Variants in EPHA6 observed in about 807,000 individuals in gnomAD.
The protein encoded by EPHA6 is EPH receptor A6.
A neutral mutation model predicts 112.0 loss-of-function variants in EPHA6; 50 were observed. The ratio of observed to expected loss-of-function variants is 0.45; its 90% CI spans 0.36 to 0.56. The LOEUF (loss-of-function observed/expected upper bound fraction) is 0.56. Among genes scored for constraint, EPHA6 ranks in the 20% least tolerant of loss-of-function variants. The pLI is 0.00. For missense variants in EPHA6, 1,280 were observed against 1,417.4 expected, an observed-to-expected ratio of 0.90 and a Z score of 1.56; for synonymous variants, 529 against 490.7, an observed-to-expected ratio of 1.08 and a Z score of -1.03.
intron 5 of EPHA6, among the ~76,000 whole-genome samples, chr3:97,336,982 A>G (rs1011071409): frequency 1.6e-4 from 25 of 151,922 alleles, no homozygotes; most frequent in Non-Finnish European, 3.2e-4. Flanking sequence ...CTGGGATGAA[A>G]AAGAGTAGTA....
intron 5 of EPHA6, among the ~76,000 whole-genome samples, chr3:97,313,899 C>T (rs1000387851): frequency 2.6e-5 from 4 of 151,466 alleles, no homozygotes; most frequent in African/African-American, 9.7e-5. Context: ...ATCCAACTTG[C>T]CTATTTCTTG....
intron 3 of EPHA6, among the ~76,000 whole-genome samples, chr3:97,204,466 G>A (rs1017255825): frequency 3.9e-5 from 6 of 152,030 alleles, no homozygotes; most frequent in African/African-American, 1.4e-4. Context: ...GAGACTCAGA[G>A]AAATTAACTA....
At chr3:97,686,156 A>G (rs1275383908) in intron 14 of EPHA6, among the ~76,000 whole-genome samples, 1 of 152,162 alleles carries the variant, frequency 6.6e-6, no homozygotes, top group Non-Finnish European at 1.5e-5. Context: ...TTCATTTGTG[A>G]TGCATTATTA....
intron 7 of EPHA6, among the ~76,000 whole-genome samples, chr3:97,454,889 T>C (rs570303044): frequency 6.6e-6 from 1 of 152,014 alleles, no homozygotes; most frequent in African/African-American, 2.4e-5. Context: ...AGTAATAAAG[T>C]TAATTAATCA....
At chr3:97,023,012 A>C (rs2044515236) in intron 3 of EPHA6, among the ~76,000 whole-genome samples, 1 of 152,140 alleles carries the variant, frequency 6.6e-6, no homozygotes, top group African/African-American at 2.4e-5. Flanking sequence ...TAGCACCTCC[A>C]TCTCTCTGTT....
intron 3 of EPHA6, among the ~76,000 whole-genome samples, chr3:97,147,370 T>G (rs1456641540): frequency 6.6e-6 from 1 of 152,228 alleles, no homozygotes. Flanking sequence ...TATGATAATT[T>G]TATGTTTACT....
intron 5 of EPHA6, among the ~76,000 whole-genome samples, chr3:97,351,915 AT>A (rs1233596217): frequency 1.3e-5 from 2 of 152,166 alleles, no homozygotes; most frequent in Non-Finnish European, 2.9e-5. Flanking sequence ...AAATAGTCAC[AT>A]TTGAAAGAAA....
At chr3:97,519,575 G>C (rs2092503952) in intron 10 of EPHA6, among the ~76,000 whole-genome samples, 1 of 152,098 alleles carries the variant, frequency 6.6e-6, no homozygotes, top group Admixed American at 6.5e-5. Flanking sequence ...GGGTAGTACG[G>C]TCATTTTAAC....
chr3:96,834,077 A>G (rs2034252944), intron 1 of EPHA6, among the ~76,000 whole-genome samples: 1 of 152,048 alleles, frequency 6.6e-6, no homozygotes, highest in East Asian at 1.9e-4. Flanking sequence ...AAATGTCAAA[A>G]AAAGCATCTC....
chr3:97,222,201 G>C (rs2078225885), intron 3 of EPHA6, among the ~76,000 whole-genome samples: 1 of 152,104 alleles, frequency 6.6e-6, no homozygotes, highest in Admixed American at 6.5e-5. Flanking sequence ...AATATGATAT[G>C]ATCTGAGAGT....
chr3:97,581,282 T>C (rs532155851), intron 11 of EPHA6, among the ~76,000 whole-genome samples: 1 of 152,286 alleles, frequency 6.6e-6, no homozygotes, highest in East Asian at 1.9e-4. Flanking sequence ...GTCAGAACAT[T>C]TTTAGGACTC....
chr3:97,475,885 GT>G (rs1181590001), intron 8 of EPHA6, among the ~76,000 whole-genome samples: 1 of 151,832 alleles, frequency 6.6e-6, no homozygotes, highest in East Asian at 1.9e-4. Context: ...ATATTAATTG[GT>G]TTTATAAATC....
chr3:97,112,156 AAAAC>A (rs1320780800), intron 3 of EPHA6, among the ~76,000 whole-genome samples: 2 of 152,160 alleles, frequency 1.3e-5, no homozygotes, highest in Admixed American at 6.6e-5. Flanking sequence ...GCATAAATAA[AAAAC>A]AAAGACAATT....
At position 96,870,912 on chromosome 3, in the gene EPHA6, A is replaced by G. The variant is rs149167695; in HGVS notation, c.450+4023A>G. Among the ~76,000 whole-genome samples the G allele has an allele frequency of 8.3e-4, 127 of 152,172 alleles. 1 individual carries two copies. Among genetic ancestry groups the G allele is most frequent in the African/African-American group, 2.9e-3 (120 of 41,530 alleles). ...TTCATATAGTAAGAAGTAATTCATC[A>G]TAGTAGAAGATTTCAGTATTACATT... On this transcript the variant is annotated intron_variant, in intron 2 of 17. Transcript: ENST00000389672.
chr3:97,039,282 A>G (rs1443362101), intron 3 of EPHA6, among the ~76,000 whole-genome samples: 3 of 152,080 alleles, frequency 2.0e-5, no homozygotes, highest in Non-Finnish European at 2.9e-5. Flanking sequence ...TGTAGGAAGT[A>G]TGAAGGGAGA....
intron 4 of EPHA6, among the ~76,000 whole-genome samples, chr3:97,240,427 G>C (rs544353691): frequency 6.6e-6 from 1 of 151,928 alleles, no homozygotes; most frequent in African/African-American, 2.4e-5. Flanking sequence ...ATTAAATATA[G>C]CTTAATATGC....
intron 10 of EPHA6, among the ~76,000 whole-genome samples, chr3:97,488,559 G>A (rs752301521): frequency 6.8e-4 from 103 of 152,094 alleles, no homozygotes; most frequent in Admixed American, 2.6e-3. Flanking sequence ...TTATCTTAAA[G>A]AAACTGTATT....
intron 3 of EPHA6, among the ~76,000 whole-genome samples, chr3:97,040,064 T>C (rs1345690371): frequency 6.6e-6 from 1 of 151,488 alleles, no homozygotes; most frequent in Non-Finnish European, 1.5e-5. Flanking sequence ...CTGCTAATTA[T>C]AATAATGATA....
intron 15 of EPHA6, among the ~76,000 whole-genome samples, chr3:97,725,728 C>T (rs190480665): frequency 6.6e-6 from 1 of 152,224 alleles, no homozygotes; most frequent in East Asian, 1.9e-4. Flanking sequence ...GCAGCATACT[C>T]AGCCACTAAG....
Sources: allele counts gnomAD v4.1 joint callset (sites outside exome capture counted in the v4.1 genomes callset), GRCh38; gene constraint gnomAD v4.1.1; transcripts MANE v1.5; gene names NCBI Gene and HGNC (gene_info 2026-07-23, HGNC 2026-07-21).